The following CFAP74 variants were observed in gnomAD, a reference collection of about 807,000 sequenced individuals.
The protein encoded by CFAP74 is cilia- and flagella-associated protein 74.
Under a neutral mutation model 188.9 loss-of-function variants are expected in CFAP74, and 124 were observed. The observed-to-expected ratio is 0.66, with a 90% CI of 0.57 to 0.76. The LOEUF (loss-of-function observed/expected upper bound fraction) is 0.76. CFAP74 is among the 30% of genes least tolerant of loss of function. The probability of loss-of-function intolerance (pLI) is 0.00; values close to 1 mark genes in which losing one functional copy is unlikely to be tolerated. For missense variants in CFAP74, 2,198 were observed against 2,165.2 expected, an observed-to-expected ratio of 1.02 and a Z score of -0.30; for synonymous variants, 956 against 916.7, an observed-to-expected ratio of 1.04 and a Z score of -0.77.
At chr1:1,962,275 T>A (rs148554370) in intron 14 of CFAP74, among the ~76,000 whole-genome samples, 28 of 152,026 alleles carry the variant, frequency 1.8e-4, no homozygotes, top group African/African-American at 4.8e-4. Context: ...CAGGAGTTCA[T>A]GACCAGCCTG....
At chr1:1,974,381 T>G (rs1656301592) in intron 6 of CFAP74, among the ~76,000 whole-genome samples, 183 bp from the exon 7 acceptor site, 1 of 152,126 alleles carries the variant, frequency 6.6e-6, no homozygotes, top group African/African-American at 2.4e-5. Context: ...CCTGCCTGCC[T>G]CCAACCTCAG....
chr1:1,959,647 A>G (rs1654926841), intron 15 of CFAP74, among the ~76,000 whole-genome samples: 1 of 152,034 alleles, frequency 6.6e-6, no homozygotes, highest in South Asian at 2.1e-4. Context: ...GGGTGACCCC[A>G]GGGGAAAGAG....
intron 18 of CFAP74, chr1:1,953,217 G>T (rs1373651629): frequency 6.6e-6 from 1 of 150,572 alleles, no homozygotes; most frequent in Non-Finnish European, 1.5e-5. Context: ...TCTGGCATAA[G>T]AATAATTAAA....
chr1:1,957,558 G>A (rs1654734415), intron 16 of CFAP74, among the ~76,000 whole-genome samples: 1 of 152,180 alleles, frequency 6.6e-6, no homozygotes, highest in Non-Finnish European at 1.5e-5. Context: ...CTGCTCAGGG[G>A]AGCCGAGGGT....
In CFAP74 at chr1:1,996,920, C is replaced by CAA. The variant is rs200261557; in HGVS notation, c.-19-5947_-19-5946dup. 1.4e-3 allele frequency among the ~76,000 whole-genome samples: 121 copies of CAA among 84,584 alleles called. 1 individual carries two copies. The Middle Eastern group carries it at 0.022, about 16-fold the overall frequency. The allele number at this position is 84,584 out of a possible 152,430, so 55.5% of individuals were successfully genotyped here. ...TGGGTGACAGAGCAAGACTCTGTCT[C>CAA]AAAAAAAAAAAAAAAGAAAAAAAAA... On this transcript the variant is annotated intron_variant, in intron 1 of 38. Coordinates refer to ENST00000682832, the MANE Select transcript of CFAP74 (RefSeq NM_001304360.2).
In CFAP74 at chr1:1,942,718, C is replaced by T. The variant is rs754593877; in HGVS notation, c.2487-562G>A. ...CCTACCTCCGGCTCCCTTAAGCCAA[C>T]GGCCTCCTCAGGACCACCTGGAGCC... On this transcript the variant is annotated intron_variant, in intron 21 of 38. Transcript: ENST00000682832. The surrounding 1 kb of genome is among the most constrained non-coding windows in gnomAD (Gnocchi z 4.3). Among the ~76,000 whole-genome samples, 3 of 152,182 alleles carry T rather than the reference C, an allele frequency of 2.0e-5. No individual in the cohort carries two copies. The highest frequency in any genetic ancestry group is 1.3e-4 in the Admixed American group (2 of 15,284).
At chr1:1,989,286 C>T (rs148321743) in intron 2 of CFAP74, among the ~76,000 whole-genome samples, 43 of 152,212 alleles carry the variant, frequency 2.8e-4, no homozygotes, top group South Asian at 2.1e-4. Context: ...AAGGGAGAGC[C>T]GGCCACGCAG....
chr1:1,971,996 C>T lies in CFAP74; in HGVS notation c.872G>A (p.Ser291Asn). ...RMDAVVALKG[S>N]ISANRDTLRK... ...GGGGCCTACCCGGTTCGCGGAGATG[C>T]TGCCCTTCAGCGCCACCACCGCATC... Residue 291 changes from serine (S) to asparagine (N), a missense_variant, in exon 9 of 39, where the codon AGC becomes AAC. By Grantham distance (46) the Ser-to-Asn change is conservative. Transcript: ENST00000682832. 2 of 1,610,988 alleles carry T rather than the reference C, an allele frequency of 1.2e-6. No homozygotes were observed.
At chr1:1,998,114 C>T (rs1220778404) in intron 1 of CFAP74, among the ~76,000 whole-genome samples, 1 of 152,092 alleles carries the variant, frequency 6.6e-6, no homozygotes, top group Non-Finnish European at 1.5e-5. Flanking sequence ...CTCATCTCTA[C>T]TAAAAATACA....
At chr1:1,922,500 C>T (rs1281954244) in intron 38 of CFAP74, 89 bp downstream of exon 38, 1 of 1,557,266 alleles carries the variant, frequency 6.4e-7, no homozygotes, top group Non-Finnish European at 8.7e-7. Context: ...TCCACGGCCA[C>T]CTCCTCCCCT....
At chr1:1,995,300 T>G (rs1657855648) in intron 1 of CFAP74, among the ~76,000 whole-genome samples, 1 of 152,094 alleles carries the variant, frequency 6.6e-6, no homozygotes, top group African/African-American at 2.4e-5. Flanking sequence ...GAGACCAGCC[T>G]GGCCAACATA....
chr1:1,945,297 G>C (rs1159601524), intron 20 of CFAP74, among the ~76,000 whole-genome samples: 1 of 152,128 alleles, frequency 6.6e-6, no homozygotes, highest in African/African-American at 2.4e-5. Flanking sequence ...TGACTCCTGG[G>C]GCCTCAGGAG....
chr1:1,923,727 G>C lies in CFAP74; in HGVS notation c.4389+48C>G, dbSNP rs368901542. 11 of 1,610,928 alleles carry C rather than the reference G, an allele frequency of 6.8e-6. No individual in the cohort carries two copies. In the East Asian group the frequency reaches 1.8e-4, roughly 26 times the overall value. On this transcript the variant is annotated intron_variant, in intron 35 of 38. Coordinates refer to ENST00000682832, the MANE Select transcript of CFAP74 (RefSeq NM_001304360.2). The surrounding 1 kb of genome is among the most constrained non-coding windows in gnomAD (Gnocchi z 6.3). ...AGTGCAGCCAAAGGCAAGGCCCTGC[G>C]TGGGGCCAGGGCCGGGCCGGGCTGA...
At chr1:1,991,066 AAAC>A (rs1657538748) in intron 1 of CFAP74, 91 bp from the exon 2 acceptor site, 1 of 850,606 alleles carries the variant, frequency 1.2e-6, no homozygotes, top group Admixed American at 3.0e-5. Context: ...GGCATTAAGA[AAAC>A]AAACGACAGA....
At chr1:1,934,111 A>T (rs375281891) in intron 25 of CFAP74, among the ~76,000 whole-genome samples, 41 of 152,314 alleles carry the variant, frequency 2.7e-4, no homozygotes, top group African/African-American at 7.0e-4. Context: ...GGGGCTCTCC[A>T]AGTTTCAGCA....
At chr1:1,957,694 T>G (rs1426905562) in intron 16 of CFAP74, among the ~76,000 whole-genome samples, 2 of 151,152 alleles carry the variant, frequency 1.3e-5, no homozygotes, top group East Asian at 3.9e-4. Flanking sequence ...TGATCCGGAG[T>G]GGAGCAGGCC....
Position 1,923,998 on chromosome 1 carries a change from T to C in CFAP74, c.4235-69A>G. 6.6e-7 allele frequency: 1 copy of C among 1,526,174 alleles called. No individual in the cohort carries two copies. Among genetic ancestry groups the C allele is most frequent in the East Asian group, 2.3e-5 (1 of 43,758 alleles). The allele number at this position is 1,526,174 out of a possible 1,614,324, so 94.5% of individuals were successfully genotyped here. On this transcript the variant is annotated intron_variant, in intron 34 of 38. Transcript: ENST00000682832. This position sits in a 1 kb window ranked among gnomAD's most constrained non-coding sequence, Gnocchi z 6.3. ...TCACTGTCTGCCCTCCAAGCCTTGC[T>C]GCATAGAGCTCTACACCCTGCCCGC...
chr1:1,988,149 G>A (rs1425190051), intron 4 of CFAP74: 1 of 487,954 alleles, frequency 2.0e-6, no homozygotes, highest in Non-Finnish European at 4.2e-6. Flanking sequence ...ATATTTAGGA[G>A]TGACGTATCA....
In CFAP74 at chr1:1,939,609, G is replaced by A. The variant is rs867177217; in HGVS notation, c.2862C>T (p.Phe954=). 2 of 1,535,670 alleles carry A rather than the reference G, an allele frequency of 1.3e-6. No individual in the cohort carries two copies. Among genetic ancestry groups the A allele is most frequent in the African/African-American group, 1.4e-5 (1 of 73,144 alleles). Residue 954 remains phenylalanine (F), a synonymous_variant, in exon 24 of 39, where the codon TTC becomes TTT. Transcript: ENST00000682832. ...NHSLLPQEFG[F]VRLPKFVDVQ... is the part of the protein sequence containing the mutation. Reference sequence around the variant, plus strand: ...CAGGAGGTACCTTGGGAAGCCTGACGAACCCGAACTCCTGGGGCAGGAGCG... The same window carrying A: ...CAGGAGGTACCTTGGGAAGCCTGACAAACCCGAACTCCTGGGGCAGGAGCG...
Sources: gnomAD v4.1 joint callset for allele counts (sites outside exome capture counted in the v4.1 genomes callset) on GRCh38, gnomAD v4.1.1 for gene constraint, Gnocchi (gnomAD v3.1) non-coding constraint, MANE v1.5 for transcripts, NCBI Gene and HGNC (gene_info 2026-07-23, HGNC 2026-07-21) for gene names.